The following SLX4IP variants were observed in gnomAD, a reference collection of about 807,000 sequenced individuals.
SLX4IP encodes the protein SLX4 interacting protein.
In SLX4IP, 34 loss-of-function variants were observed where a neutral mutation model predicts 32.9. The observed-to-expected ratio is 1.03, with a 90% CI of 0.79 to 1.38. The LOEUF is 1.38. SLX4IP is among the 40% of genes most tolerant of loss of function. The pLI is 0.00. For missense variants in SLX4IP, 444 were observed against 479.0 expected (o/e 0.93, Z 0.68); for synonymous variants, 172 against 171.7 (o/e 1.00, Z -0.01).
At chr20:10,499,602 A>G (rs2065698823) in intron 2 of SLX4IP, among the ~76,000 whole-genome samples, 2 of 152,220 alleles carry the variant, frequency 1.3e-5, no homozygotes, top group Admixed American at 1.3e-4. Flanking sequence ...ATTTAAATAT[A>G]TTAGTAGTAT....
chr20:10,591,968 A>T (rs149037781), intron 4 of SLX4IP, among the ~76,000 whole-genome samples: 6 of 152,364 alleles, frequency 3.9e-5, no homozygotes, highest in African/African-American at 1.4e-4. Flanking sequence ...CTACAAAGTC[A>T]AAAGGGTGAC....
rs1256670821 is a variant in SLX4IP at position 10,624,770 on chromosome 20, T to G, written c.*1391T>G. ...GGTTTATTCCATCCCGTTCTATCCT[T>G]TCCCGTATCTCCTGTCCCCACTTGT... On this transcript the variant is annotated 3_prime_UTR_variant, in exon 8 of 8. Coordinates refer to ENST00000334534, the MANE Select transcript of SLX4IP (RefSeq NM_001009608.3). The G allele has an allele frequency of 6.6e-6, 1 of 152,222 alleles. No homozygotes were observed. Among genetic ancestry groups the G allele is most frequent in the Non-Finnish European group, 1.5e-5 (1 of 68,032 alleles). 9.4% of individuals were successfully genotyped at this position (152,222 alleles called of 1,614,324 possible). A position where few individuals can be genotyped will look rare whatever the true frequency, so the allele number is the denominator to read the frequency against.
rs1025248749 is a variant in SLX4IP, at chr20:10,625,160, G to A, written c.*1781G>A. On this transcript the variant is annotated 3_prime_UTR_variant, in exon 8 of 8. Coordinates refer to ENST00000334534, the MANE Select transcript of SLX4IP (RefSeq NM_001009608.3). ...GTGGAAACCGAGTACCTGGTAGAATGTGCATTTCCATGGCCCACTGTAGGC... is the reference window on the plus strand; with the variant it reads ...GTGGAAACCGAGTACCTGGTAGAATATGCATTTCCATGGCCCACTGTAGGC... The A allele has an allele frequency of 3.3e-5, 5 of 152,284 alleles. No individual in the cohort carries two copies. Among genetic ancestry groups the A allele is most frequent in the Non-Finnish European group, 7.3e-5 (5 of 68,082 alleles). 9.4% of individuals were successfully genotyped at this position (152,284 alleles called of 1,614,324 possible).
At chr20:10,462,802 G>A (rs2065348864) in intron 2 of SLX4IP, among the ~76,000 whole-genome samples, 1 of 152,216 alleles carries the variant, frequency 6.6e-6, no homozygotes, top group Non-Finnish European at 1.5e-5. Flanking sequence ...GAAAGGGTAT[G>A]ATCCTTTCTT....
At chr20:10,620,667 C>T (rs1294229523) in intron 6 of SLX4IP, among the ~76,000 whole-genome samples, 2 of 152,108 alleles carry the variant, frequency 1.3e-5, no homozygotes, top group Admixed American at 6.5e-5. Context: ...CATTCTCCTG[C>T]CTCAACCTCC....
intron 4 of SLX4IP, among the ~76,000 whole-genome samples, chr20:10,561,292 A>G (rs1008165348): frequency 2.0e-5 from 3 of 152,142 alleles, no homozygotes; most frequent in African/African-American, 7.2e-5. Context: ...AATGTTAACC[A>G]TATTTACCCT....
chr20:10,440,801 T>C (rs1237314482), intron 1 of SLX4IP, among the ~76,000 whole-genome samples: 3 of 152,226 alleles, frequency 2.0e-5, no homozygotes, highest in African/African-American at 4.8e-5. Context: ...ACATTAGTTA[T>C]CAGAGTTCTT....
chr20:10,587,090 A>G (rs546881413), intron 4 of SLX4IP, among the ~76,000 whole-genome samples: 386 of 152,252 alleles, frequency 2.5e-3, no homozygotes, highest in African/African-American at 8.4e-3. Context: ...ACAATAAAAG[A>G]GAAGAAAATT....
chr20:10,493,165 G>T (rs1373888757), intron 2 of SLX4IP, among the ~76,000 whole-genome samples: 2 of 151,998 alleles, frequency 1.3e-5, no homozygotes, highest in African/African-American at 4.8e-5. Context: ...CATTGCCTTG[G>T]CTACTCTGTG....
rs1273065552 is a variant in SLX4IP, at chr20:10,624,720, A to G, written c.*1341A>G. 1 of 152,182 alleles carries G rather than the reference A, an allele frequency of 6.6e-6. No individual in the cohort carries two copies. The highest frequency in any genetic ancestry group is 6.5e-5 in the Admixed American group (1 of 15,278). 9.4% of individuals were successfully genotyped at this position (152,182 alleles called of 1,614,324 possible). Reference sequence around the variant, plus strand: ...AAGAGTACAGAAACAGGCATAGTGTAGGTTCATGCTTGAGATGGATTAGTG... The same window carrying G: ...AAGAGTACAGAAACAGGCATAGTGTGGGTTCATGCTTGAGATGGATTAGTG... On this transcript the variant is annotated 3_prime_UTR_variant, in exon 8 of 8. Coordinates refer to ENST00000334534, the MANE Select transcript of SLX4IP (RefSeq NM_001009608.3).
intron 2 of SLX4IP, among the ~76,000 whole-genome samples, chr20:10,502,477 C>T (rs1435312502): frequency 6.6e-6 from 1 of 152,216 alleles, no homozygotes; most frequent in African/African-American, 2.4e-5. Flanking sequence ...TGCATGCACA[C>T]TCACATGTCC....
At chr20:10,535,958 C>G (rs531660403) in intron 2 of SLX4IP, among the ~76,000 whole-genome samples, 2 of 151,896 alleles carry the variant, frequency 1.3e-5, no homozygotes, top group Admixed American at 1.3e-4. Flanking sequence ...GCTAGAGACA[C>G]ACTGTTTAGA....
intron 3 of SLX4IP, among the ~76,000 whole-genome samples, 185 bp downstream of exon 3, chr20:10,556,505 A>C (rs553369613): frequency 1.1e-4 from 16 of 152,204 alleles, no homozygotes; most frequent in Non-Finnish European, 1.9e-4. Flanking sequence ...AGAAACTGAC[A>C]CATTCATAAA....
chr20:10,623,125 G>A lies in SLX4IP; in HGVS notation c.973G>A (p.Val325Met). The change falls in exon 8 of 8, where the codon GTG (valine) becomes ATG (methionine). Residue 325 changes from valine (V) to methionine (M), a missense_variant. Val to Met is a conservative substitution (Grantham distance 21). Transcript: ENST00000334534. ...SDRLVPREII[V>M]EKSKAVRVLP... ...TCGATTAGTCCCGAGAGAAATAATA[G>A]TGGAAAAAAGCAAAGCTGTCAGGGT... 6.2e-7 allele frequency: 1 copy of A among 1,614,206 alleles called. No homozygotes were observed. Among genetic ancestry groups the A allele is most frequent in the Non-Finnish European group, 8.5e-7 (1 of 1,180,042 alleles).
intron 5 of SLX4IP, among the ~76,000 whole-genome samples, chr20:10,601,436 A>C (rs1170123451): frequency 6.6e-6 from 1 of 152,162 alleles, no homozygotes; most frequent in Admixed American, 6.5e-5. Flanking sequence ...TAATCAGAAA[A>C]CAGCTGACTG....
chr20:10,472,164 C>G (rs2065429494), intron 2 of SLX4IP, among the ~76,000 whole-genome samples: 1 of 150,828 alleles, frequency 6.6e-6, no homozygotes, highest in African/African-American at 2.4e-5. Context: ...GTTTTCTTAT[C>G]TATTAAATGA....
intron 1 of SLX4IP, among the ~76,000 whole-genome samples, chr20:10,452,550 C>T (rs1049974843): frequency 2.6e-5 from 4 of 150,964 alleles, no homozygotes; most frequent in East Asian, 1.9e-4. Flanking sequence ...CCTGTAATCC[C>T]GGCTACTCGG....
chr20:10,478,708 C>T (rs1458183665), intron 2 of SLX4IP, among the ~76,000 whole-genome samples: 1 of 152,122 alleles, frequency 6.6e-6, no homozygotes, highest in African/African-American at 2.4e-5. Context: ...CTTTATTGTC[C>T]TTGCCCCTCA....
intron 4 of SLX4IP, among the ~76,000 whole-genome samples, chr20:10,586,247 A>C (rs1022018116): frequency 9.9e-5 from 15 of 152,238 alleles, no homozygotes; most frequent in Non-Finnish European, 2.2e-4. Context: ...AGCAAATAAC[A>C]ATTCATGAAT....
Sources: allele counts gnomAD v4.1 joint callset (sites outside exome capture counted in the v4.1 genomes callset), GRCh38; gene constraint gnomAD v4.1.1; transcripts MANE v1.5; gene names NCBI Gene and HGNC (gene_info 2026-07-23, HGNC 2026-07-21).